NRCAM: variants seen among roughly 807,000 people sequenced by gnomAD.
NRCAM encodes the protein neuronal cell adhesion molecule, also known as NgCAM-related cell adhesion molecule.
A neutral mutation model predicts 156.5 loss-of-function variants in NRCAM; 83 were observed. The ratio of observed to expected loss-of-function variants is 0.53; its 90% CI spans 0.44 to 0.64. The LOEUF is 0.64. Among genes scored for constraint, NRCAM ranks in the 30% least tolerant of loss-of-function variants. The pLI, the probability that NRCAM is intolerant of heterozygous loss-of-function variation, is 0.00. For synonymous variants in NRCAM, 538 were observed against 563.9 expected, an observed-to-expected ratio of 0.95 and a Z score of 0.65; for missense variants, 1,417 against 1,597.3, an observed-to-expected ratio of 0.89 and a Z score of 1.92.
In NRCAM at chr7:108,255,481, A is replaced by T. The variant is rs544790155; in HGVS notation, c.-106-15311T>A. Among the ~76,000 whole-genome samples, 4 of 152,272 alleles carry T rather than the reference A, an allele frequency of 2.6e-5. No individual in the cohort carries two copies. In the South Asian group the frequency reaches 6.2e-4, roughly 24 times the overall value. On this transcript the variant is annotated intron_variant, in intron 3 of 32. Transcript: ENST00000379028. ...GCTCACTCAGTGCTCAATGTTGCCC[A>T]GGCTGGAGTGCAGTGGCGTGATCTC...
chr7:108,275,890 T>C (rs560571976), intron 3 of NRCAM, among the ~76,000 whole-genome samples: 1 of 152,348 alleles, frequency 6.6e-6, no homozygotes, highest in Admixed American at 6.5e-5. Context: ...AATTTCCCTC[T>C]ACACACTGCT....
chr7:108,348,678 C>T (rs1285915343), intron 2 of NRCAM, among the ~76,000 whole-genome samples: 3 of 152,036 alleles, frequency 2.0e-5, no homozygotes, highest in African/African-American at 7.2e-5. Context: ...CTCTGGGAGG[C>T]CGAGGCAAGT....
chr7:108,210,886 ACT>A (rs1199349179), intron 11 of NRCAM, among the ~76,000 whole-genome samples: 1 of 152,172 alleles, frequency 6.6e-6, no homozygotes, highest in African/African-American at 2.4e-5. Context: ...AATGCAAGTG[ACT>A]CTGAATAAGA....
At chr7:108,397,530 T>C (rs1432502093) in intron 2 of NRCAM, among the ~76,000 whole-genome samples, 5 of 152,162 alleles carry the variant, frequency 3.3e-5, no homozygotes, top group Non-Finnish European at 5.9e-5. Context: ...GCCTCAACCA[T>C]GTCCTGGGTG....
chr7:108,189,399 C>T (rs991214432), intron 20 of NRCAM, among the ~76,000 whole-genome samples: 1 of 152,170 alleles, frequency 6.6e-6, no homozygotes, highest in Non-Finnish European at 1.5e-5. Flanking sequence ...ATCTTAAACA[C>T]AAATGACAGT....
chr7:108,195,367 T>C (rs1308033608), intron 15 of NRCAM, among the ~76,000 whole-genome samples: 2 of 152,186 alleles, frequency 1.3e-5, no homozygotes, highest in Non-Finnish European at 2.9e-5. Context: ...CTCATACCTA[T>C]AATCCCAGCA....
chr7:108,413,599 T>G (rs1597076225), intron 1 of NRCAM, among the ~76,000 whole-genome samples: 1 of 152,210 alleles, frequency 6.6e-6, no homozygotes, highest in South Asian at 2.1e-4. Context: ...CTTCCTTTAC[T>G]CTGATCCTTC....
At chr7:108,250,567 G>T (rs2096278733) in intron 3 of NRCAM, among the ~76,000 whole-genome samples, 1 of 151,912 alleles carries the variant, frequency 6.6e-6, no homozygotes, top group African/African-American at 2.4e-5. Context: ...AACTCATGGA[G>T]GTAGAGCAGA....
chr7:108,182,073 A>AT (rs1418215248), intron 23 of NRCAM, 136 bp from the exon 24 acceptor site: 1 of 576,248 alleles, frequency 1.7e-6, no homozygotes, highest in African/African-American at 2.0e-5. Context: ...TTGAACACAG[A>AT]TTTTGGGGTA....
At chr7:108,212,696 C>A (rs1381092850) in intron 11 of NRCAM, among the ~76,000 whole-genome samples, 1 of 151,920 alleles carries the variant, frequency 6.6e-6, no homozygotes, top group Non-Finnish European at 1.5e-5. Context: ...CCAACAAATA[C>A]AAAGAGAAAA....
intron 23 of NRCAM, among the ~76,000 whole-genome samples, chr7:108,182,308 C>T (rs2063944049): frequency 6.6e-6 from 1 of 151,284 alleles, no homozygotes; most frequent in Non-Finnish European, 1.5e-5. Context: ...AGTCAGCCCT[C>T]TACATCTGCA....
chr7:108,241,348 A>G (rs2095514150), intron 3 of NRCAM, among the ~76,000 whole-genome samples: 1 of 152,184 alleles, frequency 6.6e-6, no homozygotes, highest in Non-Finnish European at 1.5e-5. Context: ...TATTAATAGA[A>G]GATTGATATC....
chr7:108,354,770 T>C (rs1017381671), intron 2 of NRCAM, among the ~76,000 whole-genome samples: 3 of 151,974 alleles, frequency 2.0e-5, no homozygotes, highest in African/African-American at 7.3e-5. Flanking sequence ...GGTGGGTGCC[T>C]ATAATCCCAG....
chr7:108,314,631 G>C (rs1173553815), intron 2 of NRCAM, among the ~76,000 whole-genome samples: 2 of 152,132 alleles, frequency 1.3e-5, no homozygotes, highest in Non-Finnish European at 2.9e-5. Flanking sequence ...AAATAATTCT[G>C]AAAAGTGAAT....
intron 10 of NRCAM, among the ~76,000 whole-genome samples, chr7:108,225,411 C>T (rs1202199722): frequency 5.3e-5 from 8 of 152,232 alleles, no homozygotes; most frequent in Middle Eastern, 6.8e-3. Flanking sequence ...GTTCTTTACA[C>T]GCAAACAGTT....
At chr7:108,262,556 T>C (rs1411861829) in intron 3 of NRCAM, among the ~76,000 whole-genome samples, 1 of 152,182 alleles carries the variant, frequency 6.6e-6, no homozygotes, top group Admixed American at 6.5e-5. Context: ...ATAATCTTTC[T>C]ACAGCATGGG....
intron 29 of NRCAM, 21 bp from the exon 30 acceptor site, chr7:108,167,094 C>G (rs1176633863): frequency 6.2e-7 from 1 of 1,602,206 alleles, no homozygotes; most frequent in Non-Finnish European, 8.5e-7. Flanking sequence ...TTTGCAAAAA[C>G]AACACATTTG....
chr7:108,370,767 G>A (rs944259646), intron 2 of NRCAM, among the ~76,000 whole-genome samples: 1 of 152,050 alleles, frequency 6.6e-6, no homozygotes, highest in African/African-American at 2.4e-5. Flanking sequence ...TCAAGACTGT[G>A]GTTAATTTTA....
chr7:108,316,788 CAAAA>C (rs35502722), intron 2 of NRCAM, among the ~76,000 whole-genome samples: 1 of 124,888 alleles, frequency 8.0e-6, no homozygotes. Context: ...GACTCCATCT[CAAAA>C]AAAAAAAAAA....
Sources: allele counts gnomAD v4.1 joint callset (sites outside exome capture counted in the v4.1 genomes callset), GRCh38; gene constraint gnomAD v4.1.1; transcripts MANE v1.5; gene names NCBI Gene and HGNC (gene_info 2026-07-23, HGNC 2026-07-21).